FREM1: variants seen among roughly 807,000 people sequenced by gnomAD.
FREM1 encodes the protein FRAS1 related extracellular matrix 1, also known as FRAS1-related extracellular matrix protein 1.
In FREM1, 220 loss-of-function variants were observed where a neutral mutation model predicts 210.1. The ratio of observed to expected loss-of-function variants is 1.05; its 90% CI spans 0.94 to 1.17. FREM1 has a LOEUF of 1.17. Ranked by LOEUF, FREM1 falls within the 50% of genes most tolerant of loss-of-function variation. FREM1 has a pLI of 0.00. For synonymous variants in FREM1, 1,189 were observed against 980.2 expected, an observed-to-expected ratio of 1.21 and a Z score of -3.98; for missense variants, 3,454 against 2,675.5, an observed-to-expected ratio of 1.29 and a Z score of -6.42.
At position 14,747,261 on chromosome 9, in the gene FREM1, T is replaced by C; in HGVS notation, c.6009+3A>G. ...GAGTAAGAAGGAACAAAGATTTTCA[T>C]ACCTGTCTGGGGAAGTGTGAGTCAG... On this transcript the variant is annotated splice_donor_region_variant and intron_variant, in intron 33 of 36. Transcript: ENST00000380880. The C allele has an allele frequency of 1.2e-6, 2 of 1,608,806 alleles. No homozygotes were observed. Among genetic ancestry groups the C allele is most frequent in the Admixed American group, 1.7e-5 (1 of 59,186 alleles).
chr9:14,781,013 A>G (rs1252950681), intron 24 of FREM1, among the ~76,000 whole-genome samples: 2 of 152,196 alleles, frequency 1.3e-5, no homozygotes, highest in Non-Finnish European at 2.9e-5. Flanking sequence ...TGACACATTG[A>G]GGAGGTTCCT....
intron 18 of FREM1, among the ~76,000 whole-genome samples, chr9:14,805,893 TA>T (rs1422220690): frequency 6.6e-6 from 1 of 152,188 alleles, no homozygotes; most frequent in Non-Finnish European, 1.5e-5. Flanking sequence ...GTTTTGGCTT[TA>T]AAATTAATGT....
At chr9:14,769,305 T>C (rs1437405236) in intron 27 of FREM1, among the ~76,000 whole-genome samples, 1 of 152,212 alleles carries the variant, frequency 6.6e-6, no homozygotes, top group Non-Finnish European at 1.5e-5. Flanking sequence ...GGCTAACTCT[T>C]CTTGACTACC....
chr9:14,850,871 T>A (rs1404902335), intron 6 of FREM1, among the ~76,000 whole-genome samples: 5 of 152,220 alleles, frequency 3.3e-5, no homozygotes, highest in Admixed American at 2.6e-4. Context: ...TCAGAAATAT[T>A]TGGTAGCTAG....
At chr9:14,790,066 C>A (rs568008986) in intron 22 of FREM1, among the ~76,000 whole-genome samples, 1 of 151,932 alleles carries the variant, frequency 6.6e-6, no homozygotes, top group Non-Finnish European at 1.5e-5. Flanking sequence ...CTTTTTATTC[C>A]CCTTGATACT....
At chr9:14,856,129 A>C (rs2131490853) in intron 5 of FREM1, among the ~76,000 whole-genome samples, 1 of 152,312 alleles carries the variant, frequency 6.6e-6, no homozygotes, top group Middle Eastern at 3.4e-3. Flanking sequence ...ACTATGTGCC[A>C]GGTTTTATGT....
intron 15 of FREM1, among the ~76,000 whole-genome samples, chr9:14,816,444 G>T (rs761963611): frequency 1.3e-5 from 2 of 152,120 alleles, no homozygotes; most frequent in African/African-American, 2.4e-5. Flanking sequence ...TGTGTCCCCA[G>T]AAAAGCATGC....
At chr9:14,873,832 G>A (rs573094249) in intron 1 of FREM1, among the ~76,000 whole-genome samples, 44 of 152,170 alleles carry the variant, frequency 2.9e-4, no homozygotes, top group Admixed American at 9.8e-4. Flanking sequence ...TGTACACACT[G>A]TTTTGAATGT....
intron 34 of FREM1, 60 bp from the exon 35 acceptor site, chr9:14,746,528 G>A (rs1388040290): frequency 2.3e-6 from 3 of 1,318,790 alleles, no homozygotes; most frequent in African/African-American, 1.4e-5. Flanking sequence ...AGTTGGTTCA[G>A]CATAAGGAGT....
chr9:14,898,062 G>A (rs560642908), intron 1 of FREM1, among the ~76,000 whole-genome samples: 17 of 152,316 alleles, frequency 1.1e-4, no homozygotes, highest in African/African-American at 4.1e-4. Context: ...GAGGATGAGA[G>A]AGTTTAATTC....
intron 3 of FREM1, among the ~76,000 whole-genome samples, chr9:14,861,352 T>C (rs1342825383): frequency 3.2e-5 from 4 of 126,724 alleles, no homozygotes; most frequent in African/African-American, 1.5e-4. Context: ...TATATATACA[T>C]ATATACACAT....
At chr9:14,824,712 T>TAA (rs1491333320) in intron 11 of FREM1, 84 bp downstream of exon 11, 5 of 450,156 alleles carry the variant, frequency 1.1e-5, no homozygotes, top group South Asian at 1.1e-4. Context: ...ACCACAGTAC[T>TAA]ATATATATAT....
At chr9:14,831,870 C>A (rs1170530444) in intron 10 of FREM1, among the ~76,000 whole-genome samples, 1 of 152,194 alleles carries the variant, frequency 6.6e-6, no homozygotes, top group Non-Finnish European at 1.5e-5. Flanking sequence ...GTCACGCCTG[C>A]AAGTCATGTG....
intron 1 of FREM1, among the ~76,000 whole-genome samples, chr9:14,896,563 A>G (rs890744773): frequency 1.1e-4 from 16 of 151,562 alleles, no homozygotes; most frequent in South Asian, 1.0e-3. Context: ...AAAAAAAAAA[A>G]AAGAAGCATG....
intron 1 of FREM1, among the ~76,000 whole-genome samples, chr9:14,907,982 A>C (rs984675317): frequency 6.6e-6 from 1 of 152,224 alleles, no homozygotes; most frequent in African/African-American, 2.4e-5. Flanking sequence ...CTGCCTGTGC[A>C]TGCCATCCCC....
chr9:14,789,643 G>T (rs1850970721), intron 22 of FREM1, among the ~76,000 whole-genome samples: 1 of 152,164 alleles, frequency 6.6e-6, no homozygotes. Context: ...GAAAGAAAAT[G>T]ATGGGGATCA....
At chr9:14,773,946 G>A in intron 25 of FREM1, 1 of 394,504 alleles carries the variant, frequency 2.5e-6, no homozygotes, top group East Asian at 7.1e-5. Flanking sequence ...ATCAACCTAG[G>A]TTAGGGGAGT....
intron 27 of FREM1, among the ~76,000 whole-genome samples, chr9:14,761,485 C>T (rs1326918100): frequency 6.6e-6 from 1 of 152,170 alleles, no homozygotes; most frequent in African/African-American, 2.4e-5. Flanking sequence ...TTATGGGTCT[C>T]TGATGCAACT....
intron 1 of FREM1, among the ~76,000 whole-genome samples, chr9:14,875,321 G>A (rs565991304): frequency 3.5e-4 from 53 of 152,262 alleles, no homozygotes; most frequent in African/African-American, 1.2e-3. Context: ...CCAATCAGAC[G>A]TAGATTTGGT....
Sources: gnomAD v4.1 joint callset for allele counts (sites outside exome capture counted in the v4.1 genomes callset) on GRCh38, gnomAD v4.1.1 for gene constraint, MANE v1.5 for transcripts, NCBI Gene and HGNC (gene_info 2026-07-23, HGNC 2026-07-21) for gene names.